ZNF81: variants seen among roughly 807,000 people sequenced by gnomAD.
ZNF81 encodes zinc finger protein 81 (HFZ20).
A neutral mutation model predicts 32.3 loss-of-function variants in ZNF81; 5 were observed. That is an observed-to-expected ratio of 0.15 (90% CI 0.08 to 0.33). The LOEUF (loss-of-function observed/expected upper bound fraction) is 0.33. ZNF81 is among the 10% of genes least tolerant of loss of function. The pLI, the probability that ZNF81 is intolerant of heterozygous loss-of-function variation, is 1.00. For synonymous variants in ZNF81, 163 were observed against 166.8 expected, an observed-to-expected ratio of 0.98 and a Z score of 0.17; for missense variants, 379 against 479.8, an observed-to-expected ratio of 0.79 and a Z score of 1.96.
intron 1 of ZNF81, among the ~76,000 whole-genome samples, chrX:47,843,331 C>G (rs1556880011): frequency 9.1e-6 from 1 of 110,473 alleles, no homozygotes; most frequent in African/African-American, 3.3e-5. Flanking sequence ...TTTAATTTCT[C>G]TTGCATAGAC....
At chrX:47,889,477 G>A (rs782197883) in intron 3 of ZNF81, among the ~76,000 whole-genome samples, 2 of 112,241 alleles carry the variant, frequency 1.8e-5, no homozygotes, top group Admixed American at 9.4e-5. Context: ...GAGATGGGGG[G>A]ACCCATTGCC....
At chrX:47,900,082 G>C (rs1270440521) in intron 4 of ZNF81, among the ~76,000 whole-genome samples, 1 of 110,781 alleles carries the variant, frequency 9.0e-6, no homozygotes, top group African/African-American at 3.3e-5. Context: ...AATTTGGGGG[G>C]GTTAAAACTG....
intron 2 of ZNF81, among the ~76,000 whole-genome samples, chrX:47,877,657 T>C (rs2058605111): frequency 8.9e-6 from 1 of 112,113 alleles, no homozygotes; most frequent in African/African-American, 3.2e-5. Context: ...TGCCCACTGG[T>C]GAACTCAGGC....
chrX:47,914,994 G>A lies in ZNF81; in HGVS notation c.348G>A (p.Glu116=). Reference sequence around the variant, plus strand: ...AATCTACATTTCATAGTGAAATGGAGGGTGAAGACACAAGAGATGATTCAT... The same window carrying A: ...AATCTACATTTCATAGTGAAATGGAAGGTGAAGACACAAGAGATGATTCAT... ...SGKSTFHSEM[E]GEDTRDDSLY... is the part of the protein sequence containing the mutation. The change falls in exon 5 of 5, where the codon GAG becomes GAA. Residue 116 remains glutamate (E), a synonymous_variant. Coordinates refer to ENST00000338637, the MANE Select transcript of ZNF81 (RefSeq NM_007137.5). The A allele has an allele frequency of 2.5e-6, 3 of 1,206,542 alleles. No individual in the cohort carries two copies. Among genetic ancestry groups the A allele is most frequent in the Non-Finnish European group, 3.4e-6 (3 of 892,605 alleles).
intron 2 of ZNF81, among the ~76,000 whole-genome samples, chrX:47,851,331 G>A (rs1281052150): frequency 1.8e-5 from 2 of 111,522 alleles, no homozygotes; most frequent in Non-Finnish European, 3.8e-5. Context: ...TAATGGATAT[G>A]GAAAAATTGC....
intron 2 of ZNF81, among the ~76,000 whole-genome samples, chrX:47,851,835 G>A (rs1447134795): frequency 8.0e-5 from 9 of 112,195 alleles, no homozygotes; most frequent in African/African-American, 2.9e-4. Flanking sequence ...TTTTACTGCT[G>A]CAACTAGCTG....
chrX:47,893,063 GT>G (rs781930137), intron 3 of ZNF81, among the ~76,000 whole-genome samples: 6 of 110,910 alleles, frequency 5.4e-5, no homozygotes, highest in African/African-American at 1.6e-4. Flanking sequence ...TTTCCAATTA[GT>G]TTTTTTTTCT....
chrX:47,858,897 C>T (rs781993507), intron 2 of ZNF81, among the ~76,000 whole-genome samples: 3 of 110,299 alleles, frequency 2.7e-5, no homozygotes, highest in African/African-American at 9.9e-5. Flanking sequence ...TTGAGACCAG[C>T]CTGACCAACA....
rs139328349 is a variant in ZNF81, at chrX:47,840,797, C to T, written c.-164+3810C>T. ...TGCTGGGATTGCAGGCATGAGCCAC[C>T]GCGCCCGGCGAGCTACTGTCTTTTC... On this transcript the variant is annotated intron_variant, in intron 1 of 4. Coordinates refer to ENST00000338637, the MANE Select transcript of ZNF81 (RefSeq NM_007137.5). 5.5e-3 allele frequency among the ~76,000 whole-genome samples: 620 copies of T among 112,304 alleles called. 3 individuals carry two copies. The highest frequency in any genetic ancestry group is 0.019 in the African/African-American group (595 of 30,989).
At chrX:47,872,599 A>T (rs916591182) in intron 2 of ZNF81, among the ~76,000 whole-genome samples, 13 of 112,149 alleles carry the variant, frequency 1.2e-4, no homozygotes, top group Non-Finnish European at 2.4e-4. Flanking sequence ...AGACAATGGC[A>T]CTGAAGTCAG....
rs2058777468 is a variant in ZNF81, at chrX:47,921,674, T to C, written c.*5042T>C. On this transcript the variant is annotated 3_prime_UTR_variant, in exon 5 of 5. Transcript: ENST00000338637. ...GATTGGTTACAAAAAGACTGTGGCT[T>C]CCATTTTGGGTGCTTGCTTACTCTC... is the stretch of plus-strand genomic sequence containing the variant. 1 of 111,369 alleles carries C rather than the reference T, an allele frequency of 9.0e-6. No homozygotes were observed. The highest frequency in any genetic ancestry group is 9.6e-5 in the Admixed American group (1 of 10,420). The allele number at this position is 111,369 out of a possible 1,213,427, so 9.2% of individuals were successfully genotyped here. A position where few individuals can be genotyped will look rare whatever the true frequency, so the allele number is the denominator to read the frequency against.
intron 4 of ZNF81, 31 bp from the exon 5 acceptor site, chrX:47,914,893 T>G: frequency 1.7e-6 from 2 of 1,193,748 alleles, no homozygotes; most frequent in Non-Finnish European, 1.1e-6. Context: ...CTATTGTTTG[T>G]GTCAATTTTA....
chrX:47,846,424 A>C, intron 2 of ZNF81, 103 bp downstream of exon 2: 5 of 984,007 alleles, frequency 5.1e-6, no homozygotes, highest in Non-Finnish European at 7.0e-6. Context: ...TTTAGCAGGC[A>C]GGAAAATTTC....
intron 2 of ZNF81, among the ~76,000 whole-genome samples, chrX:47,871,718 T>C (rs1273492184): frequency 8.9e-6 from 1 of 111,801 alleles, no homozygotes; most frequent in Non-Finnish European, 1.9e-5. Context: ...CTGGGTCTTA[T>C]GCACTTGTAA....
intron 1 of ZNF81, among the ~76,000 whole-genome samples, chrX:47,840,503 CTTTTT>C (rs1225455438): frequency 2.0e-5 from 2 of 102,132 alleles, no homozygotes; most frequent in African/African-American, 7.0e-5. Context: ...TTTTCTTTTT[CTTTTT>C]TTTTTTTTTT....
At chrX:47,892,028 A>G (rs1556886527) in intron 3 of ZNF81, among the ~76,000 whole-genome samples, 1 of 111,127 alleles carries the variant, frequency 9.0e-6, no homozygotes, top group Non-Finnish European at 1.9e-5. Flanking sequence ...TTGTGCTTTT[A>G]TGATTCGAGT....
chrX:47,911,946 C>T (rs2058740657), intron 4 of ZNF81, among the ~76,000 whole-genome samples: 1 of 110,587 alleles, frequency 9.0e-6, no homozygotes, highest in Admixed American at 9.6e-5. Flanking sequence ...TGAAAATAAA[C>T]TGGACTCTTT....
chrX:47,863,992 C>G (rs2058550823), intron 2 of ZNF81, among the ~76,000 whole-genome samples: 1 of 111,650 alleles, frequency 9.0e-6, no homozygotes, highest in South Asian at 3.8e-4. Context: ...AGATAATACC[C>G]AGAAATATTC....
chrX:47,914,976 A>C lies in ZNF81; in HGVS notation c.330A>C (p.Thr110=). Residue 110 remains threonine (T), a synonymous_variant, in exon 5 of 5, where the codon ACA becomes ACC. Coordinates refer to ENST00000338637, the MANE Select transcript of ZNF81 (RefSeq NM_007137.5). Reference sequence around the variant, plus strand: ...AGAGGAGAATTTCTGGGAAATCTACATTTCATAGTGAAATGGAGGGTGAAG... The same window carrying C: ...AGAGGAGAATTTCTGGGAAATCTACCTTTCATAGTGAAATGGAGGGTGAAG... ...PSQRRISGKS[T]FHSEMEGEDT... 1 of 1,207,832 alleles carries C rather than the reference A, an allele frequency of 8.3e-7. No homozygotes were observed. The highest frequency in any genetic ancestry group is 1.1e-6 in the Non-Finnish European group (1 of 893,766).
Sources: gnomAD v4.1 joint callset for allele counts (sites outside exome capture counted in the v4.1 genomes callset) on GRCh38, gnomAD v4.1.1 for gene constraint, MANE v1.5 for transcripts, NCBI Gene and HGNC (gene_info 2026-07-23, HGNC 2026-07-21) for gene names.